Variants in PAIP2B observed in about 807,000 individuals in gnomAD.
PAIP2B encodes poly(A) binding protein interacting protein 2B.
PAIP2B carries 13 observed loss-of-function variants against 17.0 expected under a neutral mutation model. That is an observed-to-expected ratio of 0.76 (90% confidence interval 0.50 to 1.22). The LOEUF is 1.22. PAIP2B is among the 50% of genes most tolerant of loss of function. PAIP2B has a pLI of 0.00. For missense variants in PAIP2B, 117 were observed against 144.5 expected (o/e 0.81, Z 0.98); for synonymous variants, 43 against 48.7 (o/e 0.88, Z 0.48).
intron 1 of PAIP2B, among the ~76,000 whole-genome samples, chr2:71,221,669 C>T (rs1179822795): frequency 6.6e-6 from 1 of 152,084 alleles, no homozygotes; most frequent in Non-Finnish European, 1.5e-5. Context: ...GACAAAAGGC[C>T]ATGAAACTCT....
chr2:71,193,836 CA>C (rs34132481), intron 2 of PAIP2B, among the ~76,000 whole-genome samples: 125 of 141,324 alleles, frequency 8.8e-4, no homozygotes, highest in Non-Finnish European at 1.0e-3. Flanking sequence ...GACTCTGTCC[CA>C]AAAAAAAAAA....
rs543548004 is a variant in PAIP2B at position 71,225,631 on chromosome 2, C to A, written c.-12+1297G>T. ...ATCTCCTCCAACCTTCAAAATAAAA[C>A]CCTCACTGTCCAATATCTGAATTTA... is the stretch of plus-strand genomic sequence containing the variant. On this transcript the variant is annotated intron_variant, in intron 1 of 3. Coordinates refer to ENST00000244221, the MANE Select transcript of PAIP2B (RefSeq NM_020459.1). Among the ~76,000 whole-genome samples, 7 of 152,288 alleles carry A rather than the reference C, an allele frequency of 4.6e-5. No homozygotes were observed. The East Asian group carries it at 1.4e-3, about 29-fold the overall frequency.
intron 1 of PAIP2B, among the ~76,000 whole-genome samples, chr2:71,219,082 A>ATTTTTTTT (rs568552077): frequency 6.1e-5 from 7 of 114,000 alleles, no homozygotes; most frequent in Admixed American, 9.1e-5. Context: ...CGCCTAGCTA[A>ATTTTTTTT]TTTTTTTTTT....
chr2:71,202,324 C>T, intron 2 of PAIP2B, 128 bp downstream of exon 2: 1 of 1,216,340 alleles, frequency 8.2e-7, no homozygotes, highest in Non-Finnish European at 1.1e-6. Context: ...AGGCCCCCCA[C>T]CAATGAATTT....
chr2:71,213,314 G>A lies in PAIP2B; in HGVS notation c.-11-10714C>T, dbSNP rs1028383420. Among the ~76,000 whole-genome samples, 38 of 152,118 alleles carry A rather than the reference G, an allele frequency of 2.5e-4. 1 individual carries two copies. The highest frequency in any genetic ancestry group is 7.7e-4 in the African/African-American group (32 of 41,404). On this transcript the variant is annotated intron_variant, in intron 1 of 3. Coordinates refer to ENST00000244221, the MANE Select transcript of PAIP2B (RefSeq NM_020459.1). ...TTGCCACAACAAAGTGGGGAGAGGGGAGCCAAGCAGCATAATACATCTGTA... is the reference window on the plus strand; with the variant it reads ...TTGCCACAACAAAGTGGGGAGAGGGAAGCCAAGCAGCATAATACATCTGTA...
intron 1 of PAIP2B, among the ~76,000 whole-genome samples, chr2:71,214,346 GA>G (rs781457848): frequency 6.6e-6 from 1 of 152,168 alleles, no homozygotes; most frequent in Non-Finnish European, 1.5e-5. Flanking sequence ...GAACCATGCT[GA>G]AGAAAAATGC....
At chr2:71,198,316 C>T (rs1313306661) in intron 2 of PAIP2B, among the ~76,000 whole-genome samples, 27 of 148,030 alleles carry the variant, frequency 1.8e-4, no homozygotes, top group Non-Finnish European at 2.7e-4. Flanking sequence ...GACAGAGTCT[C>T]GCTCTGTCGC....
chr2:71,204,229 T>C (rs1313082199), intron 1 of PAIP2B, among the ~76,000 whole-genome samples: 1 of 152,120 alleles, frequency 6.6e-6, no homozygotes, highest in East Asian at 1.9e-4. Context: ...CTAACTCATC[T>C]CTCTTCAACC....
rs2103745125 is a variant in PAIP2B at position 71,188,256 on chromosome 2, G to A, written c.*223C>T. On this transcript the variant is annotated 3_prime_UTR_variant, in exon 4 of 4. Coordinates refer to ENST00000244221, the MANE Select transcript of PAIP2B (RefSeq NM_020459.1). ...AGAGCTATTTAAAAAAACAAAACAG[G>A]AAACTCCCCAAACAAAAGTCAGCAG... is the stretch of plus-strand genomic sequence containing the variant. 2.0e-6 allele frequency: 1 copy of A among 504,398 alleles called. No individual in the cohort carries two copies. Among genetic ancestry groups the A allele is most frequent in the African/African-American group, 1.9e-5 (1 of 51,926 alleles). The allele number at this position is 504,398 out of a possible 1,614,324, so 31.2% of individuals were successfully genotyped here.
At chr2:71,213,458 A>G (rs1333178987) in intron 1 of PAIP2B, among the ~76,000 whole-genome samples, 1 of 152,188 alleles carries the variant, frequency 6.6e-6, no homozygotes, top group East Asian at 1.9e-4. Flanking sequence ...GGACGAGGGT[A>G]AGGTCAGAAC....
intron 1 of PAIP2B, among the ~76,000 whole-genome samples, chr2:71,224,026 T>C (rs1393656056): frequency 6.6e-6 from 1 of 152,220 alleles, no homozygotes; most frequent in Admixed American, 6.5e-5. Flanking sequence ...CTTATGGATA[T>C]ACACATAGTA....
chr2:71,210,595 A>G (rs1407508626), intron 1 of PAIP2B, among the ~76,000 whole-genome samples: 1 of 152,252 alleles, frequency 6.6e-6, no homozygotes, highest in Non-Finnish European at 1.5e-5. Flanking sequence ...AGAAGCTTTC[A>G]AAAACATATT....
intron 1 of PAIP2B, among the ~76,000 whole-genome samples, chr2:71,211,951 C>T (rs989369464): frequency 6.6e-5 from 10 of 152,140 alleles, no homozygotes; most frequent in African/African-American, 2.4e-4. Context: ...CTCCTTGCCC[C>T]AAAGCCAATC....
At chr2:71,198,885 T>C (rs947889447) in intron 2 of PAIP2B, among the ~76,000 whole-genome samples, 8 of 152,234 alleles carry the variant, frequency 5.3e-5, no homozygotes, top group Non-Finnish European at 1.2e-4. Context: ...TTTCAGCTCC[T>C]GTATCACTTT....
chr2:71,207,621 C>A (rs539445024), intron 1 of PAIP2B, among the ~76,000 whole-genome samples: 1 of 152,130 alleles, frequency 6.6e-6, no homozygotes, highest in South Asian at 2.1e-4. Context: ...GGTAAGGCAG[C>A]TATTGCTCCA....
chr2:71,201,015 GTGTGTGTGTGT>G (rs1674970390), intron 2 of PAIP2B, among the ~76,000 whole-genome samples: 10 of 146,982 alleles, frequency 6.8e-5, no homozygotes, highest in Admixed American at 1.3e-4. Flanking sequence ...GTGGGTGTGT[GTGTGTGTGTGT>G]GTGTGTGTGT....
chr2:71,202,446 C>T lies in PAIP2B; in HGVS notation c.138+6G>A. On this transcript the variant is annotated splice_donor_region_variant and intron_variant, in intron 2 of 3. Transcript: ENST00000244221. ...CAATCTTCCACTTTTCCAGTTCTTT[C>T]TTTACCTGTCTGTTGAAATCCTCTT... The T allele has an allele frequency of 1.2e-6, 2 of 1,611,382 alleles. No individual in the cohort carries two copies. Among genetic ancestry groups the T allele is most frequent in the Non-Finnish European group, 1.7e-6 (2 of 1,179,144 alleles).
rs1273966898 is a variant in PAIP2B, at chr2:71,187,598, G to A, written c.*881C>T. ...AAAATTAAGACACAACAGATTCAAG[G>A]ATGACTTCTGCAGGCTCATGCTAAT... On this transcript the variant is annotated 3_prime_UTR_variant, in exon 4 of 4. Coordinates refer to ENST00000244221, the MANE Select transcript of PAIP2B (RefSeq NM_020459.1). 1 of 152,208 alleles carries A rather than the reference G, an allele frequency of 6.6e-6. No individual in the cohort carries two copies. The highest frequency in any genetic ancestry group is 2.4e-5 in the African/African-American group (1 of 41,454). The allele number at this position is 152,208 out of a possible 1,614,324, so 9.4% of individuals were successfully genotyped here.
At chr2:71,202,735 G>A (rs1014596237) in intron 1 of PAIP2B, 135 bp from the exon 2 acceptor site, 8 of 707,636 alleles carry the variant, frequency 1.1e-5, no homozygotes, top group Non-Finnish European at 1.8e-5. Context: ...CAGAAACTTA[G>A]TCTGTAACTC....
Sources: allele counts gnomAD v4.1 joint callset (sites outside exome capture counted in the v4.1 genomes callset), GRCh38; gene constraint gnomAD v4.1.1; transcripts MANE v1.5; gene names NCBI Gene and HGNC (gene_info 2026-07-23, HGNC 2026-07-21).